IPO11: variants seen among roughly 807,000 people sequenced by gnomAD.
IPO11 encodes importin-11.
IPO11 carries 66 observed loss-of-function variants against 143.2 expected under a neutral mutation model. The observed-to-expected ratio is 0.46, with a 90% CI of 0.38 to 0.57. The LOEUF is 0.57. IPO11 is among the 20% of genes least tolerant of loss of function. IPO11 has a pLI of 0.00. For synonymous variants in IPO11, 385 were observed against 377.8 expected (o/e 1.02, Z -0.22); for missense variants, 1,026 against 1,141.0 (o/e 0.90, Z 1.45).
intron 3 of IPO11, among the ~76,000 whole-genome samples, chr5:62,447,170 A>G (rs1285226400): frequency 6.6e-6 from 1 of 152,024 alleles, no homozygotes; most frequent in African/African-American, 2.4e-5. Flanking sequence ...CAGTGATGCA[A>G]TCATAGCTCA....
chr5:62,552,858 A>AAAAT (rs1333333185), intron 26 of IPO11, among the ~76,000 whole-genome samples: 1 of 152,192 alleles, frequency 6.6e-6, no homozygotes, highest in Non-Finnish European at 1.5e-5. Context: ...GTAGACATTT[A>AAAAT]TGGAGTACAT....
chr5:62,443,030 T>C lies in IPO11; in HGVS notation c.186T>C (p.Ala62=). Residue 62 remains alanine, a synonymous_variant, in exon 3 of 30, where the codon GCT becomes GCC. Transcript: ENST00000325324. The part of the protein sequence containing the change: ...HTLDINVRWL[A]VLYFKHGIDR... ...TGGATATAAATGTAAGGTGGCTTGC[T>C]GTACTGTATTTTAAACATGGAATTG... is the stretch of plus-strand genomic sequence containing the variant. 5 of 1,612,824 alleles carry C rather than the reference T, an allele frequency of 3.1e-6. No homozygotes were observed. The highest frequency in any genetic ancestry group is 4.2e-6 in the Non-Finnish European group (5 of 1,179,348).
chr5:62,526,387 G>C, intron 21 of IPO11, 130 bp downstream of exon 21: 1 of 621,934 alleles, frequency 1.6e-6, no homozygotes, highest in South Asian at 1.9e-5. Context: ...CTTCAAACTG[G>C]GGCATATATC....
intron 19 of IPO11, among the ~76,000 whole-genome samples, chr5:62,507,081 T>A (rs1741578370): frequency 1.3e-5 from 2 of 152,344 alleles, no homozygotes; most frequent in South Asian, 4.1e-4. Flanking sequence ...AATTATTGAC[T>A]AATGACAACA....
chr5:62,451,584 C>A (rs1580194262), intron 4 of IPO11, 146 bp from the exon 5 acceptor site: 3 of 691,012 alleles, frequency 4.3e-6, no homozygotes, highest in African/African-American at 3.6e-5. Flanking sequence ...GTCCATGGGC[C>A]ACACTTTGAG....
In IPO11 at chr5:62,542,137, G is replaced by A. The variant is rs983776632; in HGVS notation, c.2250+4848G>A. The stretch of plus-strand genomic sequence containing the variant: ...GTTGCCCAGGCTGGAGTGCAATGGC[G>A]TGATCTCGGCTCACCACAACCTCAA... On this transcript the variant is annotated intron_variant, in intron 24 of 29. Coordinates refer to ENST00000325324, the MANE Select transcript of IPO11 (RefSeq NM_016338.5). Among the ~76,000 whole-genome samples, 7 of 151,380 alleles carry A rather than the reference G, an allele frequency of 4.6e-5. No homozygotes were observed. In the South Asian group the frequency reaches 1.0e-3, roughly 22 times the overall value.
At chr5:62,485,354 A>G (rs1036721932) in intron 11 of IPO11, 65 bp from the exon 12 acceptor site, 2 of 1,265,470 alleles carry the variant, frequency 1.6e-6, no homozygotes, top group Non-Finnish European at 2.3e-6. Context: ...TACTGATGTT[A>G]TTAAAATCTT....
chr5:62,461,406 T>A (rs1393687672), intron 5 of IPO11, among the ~76,000 whole-genome samples: 2 of 152,210 alleles, frequency 1.3e-5, no homozygotes, highest in African/African-American at 2.4e-5. Context: ...ATAGCAAGAT[T>A]TCTTGCTAAA....
chr5:62,433,088 A>G (rs1038517623), intron 1 of IPO11, among the ~76,000 whole-genome samples: 3 of 150,718 alleles, frequency 2.0e-5, no homozygotes, highest in African/African-American at 7.3e-5. Flanking sequence ...TCACTGTGGG[A>G]ACCTTTTTAT....
At chr5:62,535,703 A>G (rs922918725) in intron 22 of IPO11, among the ~76,000 whole-genome samples, 10 of 152,154 alleles carry the variant, frequency 6.6e-5, no homozygotes, top group African/African-American at 2.4e-4. Context: ...TTTTGTGAAA[A>G]TAAATGGAAA....
rs542824432 is a variant in IPO11, at chr5:62,537,775, A to G, written c.2250+486A>G. Among the ~76,000 whole-genome samples the G allele has an allele frequency of 1.7e-3, 253 of 152,242 alleles. 3 individuals are homozygous for G. The Middle Eastern group carries it at 0.017, about 10-fold the overall frequency. Reference sequence around the variant, plus strand: ...CTGTAATTATGAACTAACAGTCTCTAAGTTGTATATTATCTTTATATATTA... The same window carrying G: ...CTGTAATTATGAACTAACAGTCTCTGAGTTGTATATTATCTTTATATATTA... On this transcript the variant is annotated intron_variant, in intron 24 of 29. Transcript: ENST00000325324.
intron 27 of IPO11, among the ~76,000 whole-genome samples, chr5:62,591,154 A>G (rs918319894): frequency 6.6e-6 from 1 of 152,104 alleles, no homozygotes; most frequent in African/African-American, 2.4e-5. Flanking sequence ...TTCTTTTTAC[A>G]TCCTAGATTC....
Position 62,557,102 on chromosome 5 carries a change from C to T in IPO11, c.2461-4034C>T, listed in dbSNP as rs182386120. Among the ~76,000 whole-genome samples, 47 of 152,294 alleles carry T rather than the reference C, an allele frequency of 3.1e-4. 1 individual carries two copies. The East Asian group carries it at 8.5e-3, about 28-fold the overall frequency. ...TAGATCCCATTTGAATGCTTGGCCT[C>T]ACTTGTGAGTGCCCCTCAATGTGTT... On this transcript the variant is annotated intron_variant, in intron 26 of 29. Coordinates refer to ENST00000325324, the MANE Select transcript of IPO11 (RefSeq NM_016338.5).
rs1308996934 is a variant in IPO11, at chr5:62,627,143, G to C, written c.2764-11G>C. 2 of 1,611,188 alleles carry C rather than the reference G, an allele frequency of 1.2e-6. No individual in the cohort carries two copies. Among genetic ancestry groups the C allele is most frequent in the East Asian group, 2.2e-5 (1 of 44,812 alleles). On this transcript the variant is annotated splice_polypyrimidine_tract_variant and intron_variant, in intron 29 of 29. Coordinates refer to ENST00000325324, the MANE Select transcript of IPO11 (RefSeq NM_016338.5). ...TTTTTTGACAGTCTTGCTCCTCTCT[G>C]TATCCCACAGCTGGCCCTGAAGGAC...
chr5:62,539,791 A>T (rs957138901), intron 24 of IPO11, among the ~76,000 whole-genome samples: 1 of 152,240 alleles, frequency 6.6e-6, no homozygotes, highest in Non-Finnish European at 1.5e-5. Context: ...AAACTGACAC[A>T]GTGGCAATAT....
At chr5:62,536,649 T>C in intron 22 of IPO11, 53 bp from the exon 23 acceptor site, 2 of 1,549,170 alleles carry the variant, frequency 1.3e-6, no homozygotes, top group Non-Finnish European at 1.7e-6. Context: ...TTTAAACTAA[T>C]TTTGAGCAGT....
At chr5:62,423,977 A>G (rs1056348838) in intron 1 of IPO11, among the ~76,000 whole-genome samples, 2 of 151,870 alleles carry the variant, frequency 1.3e-5, no homozygotes, top group African/African-American at 4.8e-5. Context: ...CCAGTGATAT[A>G]TTTTCTGCCT....
chr5:62,480,853 C>G (rs902172175), intron 9 of IPO11, among the ~76,000 whole-genome samples: 3 of 147,190 alleles, frequency 2.0e-5, no homozygotes, highest in African/African-American at 7.6e-5. Flanking sequence ...ATGGGGTTTT[C>G]TAAATGTACA....
intron 1 of IPO11, among the ~76,000 whole-genome samples, chr5:62,416,917 G>A (rs1163123126): frequency 6.6e-6 from 1 of 151,612 alleles, no homozygotes; most frequent in Non-Finnish European, 1.5e-5. Context: ...TTTTTTTGTA[G>A]AGATGGGGTT....
Sources: allele counts gnomAD v4.1 joint callset (sites outside exome capture counted in the v4.1 genomes callset), GRCh38; gene constraint gnomAD v4.1.1; transcripts MANE v1.5; gene names NCBI Gene and HGNC (gene_info 2026-07-23, HGNC 2026-07-21).